LARGE1: variants seen among roughly 807,000 people sequenced by gnomAD.
LARGE1 encodes the protein xylosyl- and glucuronyltransferase LARGE1.
LARGE1 carries 43 observed loss-of-function variants against 87.6 expected under a neutral mutation model. That is an observed-to-expected ratio of 0.49 (90% confidence interval 0.38 to 0.63). LARGE1 has a LOEUF of 0.63. Among genes scored for constraint, LARGE1 ranks in the 30% least tolerant of loss-of-function variants. The pLI, the probability that LARGE1 is intolerant of heterozygous loss-of-function variation, is 0.00. For synonymous variants in LARGE1, 434 were observed against 394.6 expected (o/e 1.10, Z -1.18); for missense variants, 802 against 1,000.2 (o/e 0.80, Z 2.67).
intron 2 of LARGE1, among the ~76,000 whole-genome samples, chr22:33,654,926 C>T (rs1370748671): frequency 7.2e-5 from 11 of 152,166 alleles, no homozygotes; most frequent in Non-Finnish European, 1.3e-4. Context: ...GCTTGGCCCA[C>T]GTGTAACTCA....
intron 7 of LARGE1, among the ~76,000 whole-genome samples, chr22:33,395,044 C>T (rs898520506): frequency 3.3e-5 from 5 of 151,736 alleles, no homozygotes; most frequent in African/African-American, 9.7e-5. Context: ...GGCTAACACA[C>T]GGTGAAACCC....
chr22:33,468,626 C>T (rs996064293), intron 6 of LARGE1, among the ~76,000 whole-genome samples: 2 of 152,138 alleles, frequency 1.3e-5, no homozygotes, highest in Non-Finnish European at 2.9e-5. Context: ...GATCTGCATA[C>T]ATCTATTTTA....
chr22:33,761,310 CTA>C, intron 2 of LARGE1, 59 bp downstream of exon 2: 1 of 1,293,212 alleles, frequency 7.7e-7, no homozygotes, highest in Non-Finnish European at 1.1e-6. Context: ...TTCTAGGGTT[CTA>C]TGACAGCTAA....
chr22:33,222,564 A>G (rs1925510085), intron 11 of LARGE1, among the ~76,000 whole-genome samples: 1 of 152,226 alleles, frequency 6.6e-6, no homozygotes. Context: ...TCTCAGTCCA[A>G]TAGCAAGTGA....
chr22:33,435,617 A>C (rs1354105276), intron 6 of LARGE1, among the ~76,000 whole-genome samples: 1 of 152,162 alleles, frequency 6.6e-6, no homozygotes, highest in African/African-American at 2.4e-5. Flanking sequence ...CCCTGTATGG[A>C]AAACTGCAAA....
intron 2 of LARGE1, among the ~76,000 whole-genome samples, chr22:33,677,067 G>A (rs941566368): frequency 3.9e-5 from 6 of 151,972 alleles, no homozygotes; most frequent in Non-Finnish European, 8.8e-5. Context: ...AGAGACCTTC[G>A]ACCATTTGCA....
In LARGE1 at chr22:33,395,226, C is replaced by CAAAAAAAAAA. The variant is rs3071528; in HGVS notation, c.893-10932_893-10923dup. 6.5e-4 allele frequency among the ~76,000 whole-genome samples: 40 copies of CAAAAAAAAAA among 61,610 alleles called. 2 individuals are homozygous for CAAAAAAAAAA. Among genetic ancestry groups the CAAAAAAAAAA allele is most frequent in the African/African-American group, 1.7e-3 (28 of 16,366 alleles). The allele number at this position is 61,610 out of a possible 152,430, so 40.4% of individuals were successfully genotyped here. A position where few individuals can be genotyped will look rare whatever the true frequency, so the allele number is the denominator to read the frequency against. The stretch of plus-strand genomic sequence containing the variant: ...CCTGGGTGACGCAGCGACTCTGCCT[C>CAAAAAAAAAA]AAAAAAAAAAAAAAAAAAAAAGCCA... On this transcript the variant is annotated intron_variant, in intron 7 of 14. Coordinates refer to ENST00000397394, the MANE Select transcript of LARGE1 (RefSeq NM_133642.5).
chr22:33,473,351 A>AT (rs1490076369), intron 6 of LARGE1, among the ~76,000 whole-genome samples: 7 of 150,902 alleles, frequency 4.6e-5, no homozygotes, highest in South Asian at 2.1e-4. Flanking sequence ...TTTATTTTTT[A>AT]TTTTTTTTAT....
chr22:33,261,216 G>T (rs1927607912), intron 11 of LARGE1, among the ~76,000 whole-genome samples: 1 of 152,196 alleles, frequency 6.6e-6, no homozygotes, highest in African/African-American at 2.4e-5. Flanking sequence ...GAGGGTGGTG[G>T]AGGTTACTTA....
chr22:33,429,414 CA>C (rs1390958072), intron 7 of LARGE1, among the ~76,000 whole-genome samples: 1 of 152,160 alleles, frequency 6.6e-6, no homozygotes, highest in Non-Finnish European at 1.5e-5. Context: ...ACTGCTTTGA[CA>C]AATCAAGCGG....
intron 2 of LARGE1, among the ~76,000 whole-genome samples, chr22:33,699,280 T>C (rs1368248242): frequency 6.6e-6 from 1 of 152,204 alleles, no homozygotes; most frequent in East Asian, 1.9e-4. Flanking sequence ...TTTCCACTAG[T>C]GCCTTCACCT....
chr22:33,067,977 C>CAAA, the LARGE1 span, among the ~76,000 whole-genome samples: 2 of 136,508 alleles, frequency 1.5e-5, no homozygotes, highest in African/African-American at 5.4e-5. Flanking sequence ...GAGACTGTCT[C>CAAA]AAAAAAAAAA....
chr22:33,087,172 TA>T, the LARGE1 span, among the ~76,000 whole-genome samples: 2 of 151,954 alleles, frequency 1.3e-5, no homozygotes, highest in African/African-American at 2.4e-5. Flanking sequence ...TCCACTCTCT[TA>T]TTTTTTTTCC....
chr22:33,088,842 C>T, the LARGE1 span, among the ~76,000 whole-genome samples: 1 of 152,168 alleles, frequency 6.6e-6, no homozygotes, highest in Admixed American at 6.6e-5. Context: ...TCATTTTTCT[C>T]ATCTGGAAAA....
At chr22:33,852,687 A>G (rs1400812099) in intron 1 of LARGE1, among the ~76,000 whole-genome samples, 1 of 151,738 alleles carries the variant, frequency 6.6e-6, no homozygotes, top group African/African-American at 2.4e-5. Context: ...TCTCTACTAA[A>G]AAAACATATA....
At chr22:33,753,232 T>G (rs1444077927) in intron 2 of LARGE1, among the ~76,000 whole-genome samples, 1 of 151,378 alleles carries the variant, frequency 6.6e-6, no homozygotes, top group Non-Finnish European at 1.5e-5. Flanking sequence ...AAAATAGTAA[T>G]AATAATAATA....
intron 11 of LARGE1, among the ~76,000 whole-genome samples, chr22:33,183,642 A>G (rs1316802530): frequency 6.7e-6 from 1 of 149,250 alleles, no homozygotes; most frequent in Non-Finnish European, 1.5e-5. Flanking sequence ...ACACACACAC[A>G]CACACACACA....
At chr22:33,735,665 C>T (rs1233862614) in intron 2 of LARGE1, among the ~76,000 whole-genome samples, 1 of 152,116 alleles carries the variant, frequency 6.6e-6, no homozygotes, top group Non-Finnish European at 1.5e-5. Flanking sequence ...AATTCATATA[C>T]CAAATAAGTC....
At chr22:33,807,705 AC>A (rs1406877731) in intron 1 of LARGE1, among the ~76,000 whole-genome samples, 1 of 152,190 alleles carries the variant, frequency 6.6e-6, no homozygotes, top group Non-Finnish European at 1.5e-5. Context: ...TGATCTTTTT[AC>A]TATCTCCAGA....
Sources: gnomAD v4.1 joint callset for allele counts (sites outside exome capture counted in the v4.1 genomes callset) on GRCh38, gnomAD v4.1.1 for gene constraint, MANE v1.5 for transcripts, NCBI Gene and HGNC (gene_info 2026-07-23, HGNC 2026-07-21) for gene names.